Variants in GPR39 observed in about 807,000 individuals in gnomAD.
GPR39 encodes the protein zinc sensing receptor.
A neutral mutation model predicts 18.4 loss-of-function variants in GPR39; 23 were observed. That is an observed-to-expected ratio of 1.25 (90% CI 0.90 to 1.77). GPR39 has a LOEUF of 1.77. Among genes scored for constraint, GPR39 ranks in the 40% most tolerant of loss-of-function variants. GPR39 has a pLI of 0.00. For missense variants in GPR39, 647 were observed against 602.4 expected, an observed-to-expected ratio of 1.07 and a Z score of -0.78; for synonymous variants, 280 against 257.9, an observed-to-expected ratio of 1.09 and a Z score of -0.82.
At chr2:132,441,769 G>A (rs1206149476) in intron 1 of GPR39, among the ~76,000 whole-genome samples, 7 of 152,204 alleles carry the variant, frequency 4.6e-5, no homozygotes, top group Admixed American at 4.6e-4. Context: ...AATAACCTCT[G>A]AGGGGAAACT....
intron 1 of GPR39, among the ~76,000 whole-genome samples, chr2:132,434,172 G>T (rs138203920): frequency 6.6e-6 from 1 of 152,102 alleles, no homozygotes; most frequent in Non-Finnish European, 1.5e-5. Flanking sequence ...CATGAAGGAC[G>T]TTTATTAGTA....
At chr2:132,607,001 A>G (rs1681150430) in intron 1 of GPR39, among the ~76,000 whole-genome samples, 1 of 152,060 alleles carries the variant, frequency 6.6e-6, no homozygotes, top group Non-Finnish European at 1.5e-5. Context: ...GTGTTATCTC[A>G]CTCTGATCTT....
intron 1 of GPR39, among the ~76,000 whole-genome samples, chr2:132,581,958 A>T (rs1680630653): frequency 6.6e-6 from 1 of 152,230 alleles, no homozygotes; most frequent in Non-Finnish European, 1.5e-5. Flanking sequence ...AAAAAAAAGA[A>T]TTCAAACTAG....
At chr2:132,623,801 G>T (rs192072093) in intron 1 of GPR39, among the ~76,000 whole-genome samples, 1 of 152,164 alleles carries the variant, frequency 6.6e-6, no homozygotes, top group Non-Finnish European at 1.5e-5. Flanking sequence ...GGAGAAGCCC[G>T]CACAATTGCC....
At chr2:132,548,091 G>A (rs879757797) in intron 1 of GPR39, among the ~76,000 whole-genome samples, 1 of 152,012 alleles carries the variant, frequency 6.6e-6, no homozygotes, top group African/African-American at 2.4e-5. Context: ...GTTCTTAAAT[G>A]AACTACTCTA....
intron 1 of GPR39, among the ~76,000 whole-genome samples, chr2:132,538,354 G>T (rs11898258): frequency 0.15 from 22,818 of 152,234 alleles, 1,777 homozygotes; most frequent in Middle Eastern, 0.24. Context: ...TCCAGACCCT[G>T]TTCACCTGGG....
chr2:132,623,173 C>T (rs1023590953), intron 1 of GPR39, among the ~76,000 whole-genome samples: 1 of 152,074 alleles, frequency 6.6e-6, no homozygotes, highest in African/African-American at 2.4e-5. Flanking sequence ...ACTCCCCAGG[C>T]CCCTTCAAAA....
intron 1 of GPR39, among the ~76,000 whole-genome samples, chr2:132,464,179 G>A (rs1573614735): frequency 6.6e-6 from 1 of 152,192 alleles, no homozygotes; most frequent in Admixed American, 6.5e-5. Context: ...AGTATCACAT[G>A]AGCTTATCCA....
intron 1 of GPR39, among the ~76,000 whole-genome samples, chr2:132,450,659 G>C (rs550815859): frequency 1.3e-5 from 2 of 152,330 alleles, no homozygotes; most frequent in East Asian, 1.9e-4. Context: ...TAGGTGCCAA[G>C]GGAATGGTGC....
At chr2:132,581,001 C>CA (rs1335069063) in intron 1 of GPR39, among the ~76,000 whole-genome samples, 2 of 122,668 alleles carry the variant, frequency 1.6e-5, no homozygotes, top group East Asian at 2.3e-4. Context: ...AAAAAAACAA[C>CA]AAAAAAACTG....
intron 1 of GPR39, among the ~76,000 whole-genome samples, chr2:132,482,195 G>A (rs1167166439): frequency 6.6e-6 from 1 of 152,106 alleles, no homozygotes; most frequent in Non-Finnish European, 1.5e-5. Flanking sequence ...CTTAGTATTT[G>A]ACTTGTTTCT....
At chr2:132,582,446 T>C (rs1165765599) in intron 1 of GPR39, among the ~76,000 whole-genome samples, 1 of 152,232 alleles carries the variant, frequency 6.6e-6, no homozygotes, top group Non-Finnish European at 1.5e-5. Flanking sequence ...CTGCTCTCAG[T>C]GGCTGGGAGA....
chr2:132,605,402 A>G (rs1681117433), intron 1 of GPR39, among the ~76,000 whole-genome samples: 1 of 151,876 alleles, frequency 6.6e-6, no homozygotes, highest in African/African-American at 2.4e-5. Flanking sequence ...CATGCGGCCC[A>G]TTAGTCTGCT....
intron 1 of GPR39, among the ~76,000 whole-genome samples, chr2:132,625,961 G>A (rs556547486): frequency 1.3e-4 from 20 of 152,068 alleles, no homozygotes; most frequent in Admixed American, 2.0e-4. Flanking sequence ...TTATCTGGGC[G>A]TGGTGGTGGG....
intron 1 of GPR39, among the ~76,000 whole-genome samples, chr2:132,444,027 A>G (rs1180987363): frequency 6.6e-6 from 1 of 152,142 alleles, no homozygotes; most frequent in East Asian, 1.9e-4. Flanking sequence ...GTGAGCCATG[A>G]TTGCCCCACT....
intron 1 of GPR39, among the ~76,000 whole-genome samples, chr2:132,589,802 C>G (rs1386962254): frequency 6.6e-6 from 1 of 152,190 alleles, no homozygotes; most frequent in Non-Finnish European, 1.5e-5. Context: ...GAAGGAATGT[C>G]TGTATTTCTC....
chr2:132,524,930 C>T (rs946776392), intron 1 of GPR39, among the ~76,000 whole-genome samples: 4 of 152,108 alleles, frequency 2.6e-5, no homozygotes, highest in South Asian at 2.1e-4. Context: ...CTCTGCGAAT[C>T]GCTTTATACA....
chr2:132,642,251 T>C (rs1681868700), intron 1 of GPR39, among the ~76,000 whole-genome samples: 1 of 152,240 alleles, frequency 6.6e-6, no homozygotes, highest in Admixed American at 6.5e-5. Context: ...TTCTTGCTAT[T>C]ATATCTACCT....
chr2:132,569,307 A>G (rs997194830), intron 1 of GPR39, among the ~76,000 whole-genome samples: 5 of 152,076 alleles, frequency 3.3e-5, no homozygotes, highest in African/African-American at 1.2e-4. Context: ...AAATTTATCA[A>G]AATAATTTGA....
Sources: allele counts gnomAD v4.1 joint callset (sites outside exome capture counted in the v4.1 genomes callset), GRCh38; gene constraint gnomAD v4.1.1; transcripts MANE v1.5; gene names NCBI Gene and HGNC (gene_info 2026-07-23, HGNC 2026-07-21).